The following PRMT7 variants were observed in gnomAD, a reference collection of about 807,000 sequenced individuals.
PRMT7 encodes protein arginine N-methyltransferase 7.
In PRMT7, 75 loss-of-function variants were observed where a neutral mutation model predicts 85.4. The observed-to-expected ratio is 0.88, with a 90% CI of 0.73 to 1.06. The LOEUF is 1.06. PRMT7 is among the 50% of genes least tolerant of loss of function. PRMT7 has a pLI of 0.00. For synonymous variants in PRMT7, 397 were observed against 359.5 expected (o/e 1.10, Z -1.18); for missense variants, 868 against 915.2 (o/e 0.95, Z 0.67).
intron 9 of PRMT7, among the ~76,000 whole-genome samples, chr16:68,344,232 T>C (rs1397016065): frequency 6.6e-6 from 1 of 152,168 alleles, no homozygotes; most frequent in Non-Finnish European, 1.5e-5. Flanking sequence ...GCCTCCCAAA[T>C]TGTTGGGATT....
intron 6 of PRMT7, among the ~76,000 whole-genome samples, chr16:68,333,072 C>T (rs2084135748): frequency 6.6e-6 from 1 of 152,182 alleles, no homozygotes; most frequent in African/African-American, 2.4e-5. Flanking sequence ...CAGCTCACTG[C>T]AGCCTCGACT....
intron 17 of PRMT7, 62 bp from the exon 18 acceptor site, chr16:68,356,639 G>T (rs1475629420): frequency 4.5e-6 from 6 of 1,321,262 alleles, no homozygotes; most frequent in African/African-American, 1.5e-5. Flanking sequence ...CGCAGGAGCT[G>T]CAGCTGTTCC....
intron 2 of PRMT7, among the ~76,000 whole-genome samples, chr16:68,314,799 G>C (rs1488650414): frequency 6.6e-6 from 1 of 152,108 alleles, no homozygotes; most frequent in African/African-American, 2.4e-5. Context: ...GAGCGGTGGT[G>C]TTTCTCTCCC....
At chr16:68,328,634 A>G in intron 5 of PRMT7, 1 of 181,960 alleles carries the variant, frequency 5.5e-6, no homozygotes. Flanking sequence ...ACCATAAGAA[A>G]ATAGAGGCTG....
In PRMT7 at chr16:68,352,623, G is replaced by T. The variant is rs1411080228; in HGVS notation, c.1575+214G>T. ...TGACATACGAAATGGAAATGGCTGAGTGTTGTCATTTTACAATTGTGGCTT... is the reference window on the plus strand; with the variant it reads ...TGACATACGAAATGGAAATGGCTGATTGTTGTCATTTTACAATTGTGGCTT... On this transcript the variant is annotated intron_variant, in intron 15 of 18. Coordinates refer to ENST00000441236, the MANE Select transcript of PRMT7 (RefSeq NM_019023.5). The T allele has an allele frequency of 1.3e-5, 6 of 465,580 alleles. No individual in the cohort carries two copies. In the East Asian group the frequency reaches 1.4e-4, roughly 11 times the overall value. 28.8% of individuals were successfully genotyped at this position (465,580 alleles called of 1,614,324 possible).
At chr16:68,337,671 C>T in intron 7 of PRMT7, 100 bp downstream of exon 7, 2 of 629,438 alleles carry the variant, frequency 3.2e-6, no homozygotes, top group East Asian at 6.2e-5. Flanking sequence ...GCCCTCAGCA[C>T]CTCTGATACA....
rs780935606 is a variant in PRMT7 at position 68,355,900 on chromosome 16, C to T, written c.1811+17C>T. The T allele has an allele frequency of 6.8e-5, 105 of 1,553,660 alleles. No individual in the cohort carries two copies. The highest frequency in any genetic ancestry group is 8.4e-5 in the Non-Finnish European group (97 of 1,150,352). On this transcript the variant is annotated intron_variant, in intron 17 of 18. Coordinates refer to ENST00000441236, the MANE Select transcript of PRMT7 (RefSeq NM_019023.5). ...GCTCAGAAGGTGGGTGCAGAGAGGG[C>T]TGGGGGGCAGGGAGGGGCTGCTGCT... is the stretch of plus-strand genomic sequence containing the variant.
chr16:68,355,746 C>T lies in PRMT7; in HGVS notation c.1674C>T (p.Ser558=), dbSNP rs1415766725. Residue 558 remains serine, a synonymous_variant, in exon 17 of 19, where the codon AGC becomes AGT. Transcript: ENST00000441236. Reference sequence around the variant, plus strand: ...AGCGTGCCCTGGACTTCAGGGAGAGCAGGGAAGCTGAGCCCCACCCGCTGT... The same window carrying T: ...AGCGTGCCCTGGACTTCAGGGAGAGTAGGGAAGCTGAGCCCCACCCGCTGT... ...MIKRALDFRE[S]REAEPHPLWE... is the part of the protein sequence containing the mutation. 3 of 1,606,428 alleles carry T rather than the reference C, an allele frequency of 1.9e-6. No homozygotes were observed. Among genetic ancestry groups the T allele is most frequent in the African/African-American group, 1.3e-5 (1 of 74,774 alleles).
chr16:68,333,020 G>A (rs1325625929), intron 6 of PRMT7, among the ~76,000 whole-genome samples: 1 of 151,928 alleles, frequency 6.6e-6, no homozygotes, highest in Non-Finnish European at 1.5e-5. Flanking sequence ...TTTTGAGACA[G>A]TCTCACTCTG....
chr16:68,345,177 T>G (rs1044752126), intron 9 of PRMT7, among the ~76,000 whole-genome samples: 1 of 152,240 alleles, frequency 6.6e-6, no homozygotes, highest in Non-Finnish European at 1.5e-5. Context: ...CCTTGATAGC[T>G]TTTGTTTCCT....
intron 4 of PRMT7, among the ~76,000 whole-genome samples, chr16:68,323,050 A>G (rs2082687103): frequency 6.6e-6 from 1 of 152,116 alleles, no homozygotes; most frequent in South Asian, 2.1e-4. Context: ...AAATTGTGGT[A>G]AAAACACATA....
chr16:68,334,943 C>T lies in PRMT7; in HGVS notation c.392-2516C>T, dbSNP rs112342211. On this transcript the variant is annotated intron_variant, in intron 6 of 18. Transcript: ENST00000441236. ...TCCTGAGTAGCTGGGACTACAGGCG[C>T]GTGCTACTACACCCGGCTAATTTTT... 3.4e-4 allele frequency among the ~76,000 whole-genome samples: 51 copies of T among 152,080 alleles called. No homozygotes were observed. In the South Asian group the frequency reaches 6.0e-3, roughly 18 times the overall value.
rs2151961240 is a variant in PRMT7, at chr16:68,358,351, C to T, written c.*1127C>T. 1 of 152,878 alleles carries T rather than the reference C, an allele frequency of 6.5e-6. No individual in the cohort carries two copies. Among genetic ancestry groups the T allele is most frequent in the South Asian group, 2.1e-4 (1 of 4,830 alleles). 9.5% of individuals were successfully genotyped at this position (152,878 alleles called of 1,614,324 possible). A position where few individuals can be genotyped will look rare whatever the true frequency, so the allele number is the denominator to read the frequency against. On this transcript the variant is annotated 3_prime_UTR_variant, in exon 19 of 19. Transcript: ENST00000441236. ...CTTGAGCCTCACAGTTTTATTTTCTCCTCGTTATCCATCCTTCCTTTCAGC... is the reference window on the plus strand; with the variant it reads ...CTTGAGCCTCACAGTTTTATTTTCTTCTCGTTATCCATCCTTCCTTTCAGC...
chr16:68,321,449 A>T lies in PRMT7; in HGVS notation c.119A>T (p.His40Leu). 6.2e-7 allele frequency: 1 copy of T among 1,610,790 alleles called. No individual in the cohort carries two copies. Among genetic ancestry groups the T allele is most frequent in the Non-Finnish European group, 8.5e-7 (1 of 1,177,562 alleles). Residue 40 changes from histidine to leucine, a missense_variant, in exon 4 of 19, where the codon CAT (histidine) becomes CTT (leucine). Coordinates refer to ENST00000441236, the MANE Select transcript of PRMT7 (RefSeq NM_019023.5). ...IARSSYADML[H>L]DKDRNVKYYQ... ...AGGTCATCTTATGCAGATATGCTAC[A>T]TGACAAAGACAGAGTAAGTGTAAAA... is the stretch of plus-strand genomic sequence containing the variant.
intron 6 of PRMT7, among the ~76,000 whole-genome samples, chr16:68,331,314 TTAGA>T (rs2083862724): frequency 6.6e-6 from 1 of 151,976 alleles, no homozygotes; most frequent in Admixed American, 6.6e-5. Context: ...CAGCACTCTA[TTAGA>T]TAGATGTACC....
Position 68,339,769 on chromosome 16 carries a change from C to T in PRMT7, c.747-19C>T. ...TGTGAGGTTAAACTCTGCTTACATT[C>T]TTGAATATTATTCCTCAGCATAGAC... On this transcript the variant is annotated intron_variant, in intron 8 of 18. Coordinates refer to ENST00000441236, the MANE Select transcript of PRMT7 (RefSeq NM_019023.5). 6.2e-7 allele frequency: 1 copy of T among 1,609,126 alleles called. No individual in the cohort carries two copies. The highest frequency in any genetic ancestry group is 1.1e-5 in the South Asian group (1 of 90,918).
chr16:68,348,330 T>G lies in PRMT7; in HGVS notation c.1324-12T>G, dbSNP rs372044851. ...AGTATGAATACAGTAATTTTACGGTTTTCTTTCTAAGATCTTCAAGGCTAA... is the reference window on the plus strand; with the variant it reads ...AGTATGAATACAGTAATTTTACGGTGTTCTTTCTAAGATCTTCAAGGCTAA... On this transcript the variant is annotated splice_polypyrimidine_tract_variant and intron_variant, in intron 13 of 18. Coordinates refer to ENST00000441236, the MANE Select transcript of PRMT7 (RefSeq NM_019023.5). 2.4e-4 allele frequency: 375 copies of G among 1,578,238 alleles called. No homozygotes were observed. The highest frequency in any genetic ancestry group is 5.0e-4 in the Middle Eastern group (3 of 5,996).
In PRMT7 at chr16:68,329,876, T is replaced by TACACACACACACACAC. The variant is rs6145876; in HGVS notation, c.391+710_391+725dup. On this transcript the variant is annotated intron_variant, in intron 6 of 18. Transcript: ENST00000441236. Reference sequence around the variant, plus strand: ...TTAAGGTTTCCAGAATATGTATATGTACACACACACACACACACACACATA... The same window carrying TACACACACACACACAC: ...TTAAGGTTTCCAGAATATGTATATGTACACACACACACACACACACACACACACACACACACACATA... Among the ~76,000 whole-genome samples the TACACACACACACACAC allele has an allele frequency of 1.2e-3, 182 of 148,814 alleles. 1 individual carries two copies. The highest frequency in any genetic ancestry group is 1.7e-3 in the Non-Finnish European group (113 of 67,064).
chr16:68,318,301 G>A (rs1245264508), intron 3 of PRMT7, among the ~76,000 whole-genome samples: 2 of 150,872 alleles, frequency 1.3e-5, no homozygotes, highest in Admixed American at 6.6e-5. Flanking sequence ...CTGGGTTCAC[G>A]CCATTCTCCC....
Sources: gnomAD v4.1 joint callset for allele counts (sites outside exome capture counted in the v4.1 genomes callset) on GRCh38, gnomAD v4.1.1 for gene constraint, MANE v1.5 for transcripts, NCBI Gene and HGNC (gene_info 2026-07-23, HGNC 2026-07-21) for gene names.